The following MAGI2 variants were observed in gnomAD, a reference collection of about 807,000 sequenced individuals.
MAGI2 encodes the protein membrane-associated guanylate kinase, WW and PDZ domain-containing protein 2.
A neutral mutation model predicts 133.3 loss-of-function variants in MAGI2; 35 were observed. That is an observed-to-expected ratio of 0.26 (90% CI 0.20 to 0.35). The LOEUF (loss-of-function observed/expected upper bound fraction) is 0.35, where lower values mean the gene tolerates loss of function less well. MAGI2 is among the 10% of genes least tolerant of loss of function. The pLI, the probability that MAGI2 is intolerant of heterozygous loss-of-function variation, is 1.00. For missense variants in MAGI2, 1,636 were observed against 1,863.4 expected (o/e 0.88, Z 2.25); for synonymous variants, 729 against 710.6 (o/e 1.03, Z -0.41).
At chr7:78,633,401 GT>G (rs375373847) in intron 2 of MAGI2, among the ~76,000 whole-genome samples, 5 of 151,648 alleles carry the variant, frequency 3.3e-5, no homozygotes, top group Middle Eastern at 3.4e-3. Context: ...GAACCTAAAA[GT>G]TTTTTTTTAA....
intron 2 of MAGI2, among the ~76,000 whole-genome samples, chr7:78,816,007 A>G (rs1789545600): frequency 6.6e-6 from 1 of 152,234 alleles, no homozygotes; most frequent in Non-Finnish European, 1.5e-5. Context: ...TTCTTGCACC[A>G]CATAGTTAGC....
intron 10 of MAGI2, among the ~76,000 whole-genome samples, chr7:78,212,678 C>G (rs888457990): frequency 1.3e-5 from 2 of 152,164 alleles, no homozygotes; most frequent in Admixed American, 6.5e-5. Flanking sequence ...AGTAGCAAAT[C>G]CATATAGCTG....
chr7:78,985,055 G>A (rs557669857), intron 2 of MAGI2, among the ~76,000 whole-genome samples: 5 of 149,170 alleles, frequency 3.4e-5, no homozygotes, highest in Middle Eastern at 3.5e-3. Context: ...AGACAGGAAT[G>A]CAGTGGTGTG....
chr7:78,749,645 G>A (rs1341392836), intron 2 of MAGI2, among the ~76,000 whole-genome samples: 1 of 152,140 alleles, frequency 6.6e-6, no homozygotes, highest in Non-Finnish European at 1.5e-5. Flanking sequence ...ATAGATTGCA[G>A]AGGGCCTCAA....
At chr7:78,247,251 C>T (rs2150926171) in intron 10 of MAGI2, among the ~76,000 whole-genome samples, 1 of 152,182 alleles carries the variant, frequency 6.6e-6, no homozygotes, top group East Asian at 1.9e-4. Flanking sequence ...GCTGTTGCCA[C>T]AAACTCCTAT....
Position 78,018,976 on chromosome 7 carries a change from A to G in MAGI2, c.*339T>C, listed in dbSNP as rs1808009750. On this transcript the variant is annotated 3_prime_UTR_variant, in exon 22 of 22. Coordinates refer to ENST00000354212, the MANE Select transcript of MAGI2 (RefSeq NM_012301.4). ...TTTCTTGATATAAAGTTTGGATGAC[A>G]TCCAAGTCCTTCATGCAGTGGGGAG... 1 of 398,376 alleles carries G rather than the reference A, an allele frequency of 2.5e-6. No individual in the cohort carries two copies. The highest frequency in any genetic ancestry group is 4.4e-5 in the Admixed American group (1 of 22,644). The allele number at this position is 398,376 out of a possible 1,614,324, so 24.7% of individuals were successfully genotyped here. A position where few individuals can be genotyped will look rare whatever the true frequency, so the allele number is the denominator to read the frequency against.
At chr7:79,113,597 A>T (rs538520199) in intron 1 of MAGI2, among the ~76,000 whole-genome samples, 1 of 152,196 alleles carries the variant, frequency 6.6e-6, no homozygotes, top group Admixed American at 6.5e-5. Flanking sequence ...TTATTTAGTG[A>T]TCTGTGAACT....
chr7:78,987,891 A>T (rs1227559292), intron 2 of MAGI2, among the ~76,000 whole-genome samples: 2 of 152,016 alleles, frequency 1.3e-5, no homozygotes, highest in Non-Finnish European at 2.9e-5. Context: ...ATAATTATAT[A>T]TCTTACTATT....
At chr7:79,443,129 G>T (rs189480890) in intron 1 of MAGI2, among the ~76,000 whole-genome samples, 1 of 151,908 alleles carries the variant, frequency 6.6e-6, no homozygotes, top group African/African-American at 2.4e-5. Flanking sequence ...AAAATTAGCC[G>T]GGTGTGATGG....
At chr7:79,440,410 T>C (rs1234864676) in intron 1 of MAGI2, among the ~76,000 whole-genome samples, 1 of 152,108 alleles carries the variant, frequency 6.6e-6, no homozygotes, top group Non-Finnish European at 1.5e-5. Flanking sequence ...TTTTGGATAA[T>C]TTTAAAATGA....
At chr7:78,189,042 G>A (rs1363528725) in intron 12 of MAGI2, among the ~76,000 whole-genome samples, 1 of 152,148 alleles carries the variant, frequency 6.6e-6, no homozygotes, top group African/African-American at 2.4e-5. Context: ...CTTTCAAGTG[G>A]CTCTGCTGTT....
intron 3 of MAGI2, among the ~76,000 whole-genome samples, chr7:78,552,183 T>TA (rs1213778236): frequency 6.9e-6 from 1 of 144,400 alleles, no homozygotes; most frequent in East Asian, 2.0e-4. Context: ...TTCCTTTTTT[T>TA]TTTTTTTTTT....
intron 9 of MAGI2, among the ~76,000 whole-genome samples, chr7:78,280,777 A>G (rs1416378938): frequency 1.3e-5 from 2 of 149,198 alleles, no homozygotes; most frequent in Admixed American, 6.8e-5. Flanking sequence ...GGTTAGAAAT[A>G]CGGAATGTCA....
chr7:78,886,898 G>A (rs1301124568), intron 2 of MAGI2, among the ~76,000 whole-genome samples: 2 of 152,090 alleles, frequency 1.3e-5, no homozygotes, highest in Non-Finnish European at 2.9e-5. Context: ...GGAGGTAACT[G>A]AATCATGGGG....
chr7:79,187,965 G>C (rs758049655), intron 1 of MAGI2, among the ~76,000 whole-genome samples: 1 of 151,716 alleles, frequency 6.6e-6, no homozygotes, highest in South Asian at 2.1e-4. Context: ...TAATATTTTA[G>C]GCATTTCCAC....
At chr7:79,079,140 T>C (rs1049990019) in intron 1 of MAGI2, among the ~76,000 whole-genome samples, 1 of 152,118 alleles carries the variant, frequency 6.6e-6, no homozygotes, top group African/African-American at 2.4e-5. Flanking sequence ...CCCTCCTCAT[T>C]TCTCAGCTGT....
At chr7:78,326,982 G>C (rs541492897) in intron 9 of MAGI2, among the ~76,000 whole-genome samples, 2 of 152,172 alleles carry the variant, frequency 1.3e-5, no homozygotes, top group Non-Finnish European at 2.9e-5. Context: ...GTTGGCTGTG[G>C]CTGCTTGTCT....
chr7:78,716,542 T>G (rs1456735152), intron 2 of MAGI2, among the ~76,000 whole-genome samples: 1 of 152,168 alleles, frequency 6.6e-6, no homozygotes, highest in African/African-American at 2.4e-5. Context: ...AGGGAAAACA[T>G]TAAAAATTTT....
At chr7:78,605,688 GGAA>G (rs1168556441) in intron 3 of MAGI2, among the ~76,000 whole-genome samples, 2 of 152,154 alleles carry the variant, frequency 1.3e-5, no homozygotes, top group Non-Finnish European at 2.9e-5. Flanking sequence ...AGAGGAATCT[GGAA>G]GGAGGGCAGA....
Sources: allele counts gnomAD v4.1 joint callset (sites outside exome capture counted in the v4.1 genomes callset), GRCh38; gene constraint gnomAD v4.1.1; transcripts MANE v1.5; gene names NCBI Gene and HGNC (gene_info 2026-07-23, HGNC 2026-07-21).